HOMEZ: variants seen among roughly 807,000 people sequenced by gnomAD.
The protein encoded by HOMEZ is homeobox and leucine zipper encoding, also known as homeobox and leucine zipper protein Homez.
Under a neutral mutation model 50.1 loss-of-function variants are expected in HOMEZ, and 20 were observed. That is an observed-to-expected ratio of 0.40 (90% CI 0.28 to 0.58). HOMEZ has a LOEUF of 0.58. Among genes scored for constraint, HOMEZ ranks in the 20% least tolerant of loss-of-function variants. The probability of loss-of-function intolerance (pLI) is 0.46; values close to 1 mark genes in which losing one functional copy is unlikely to be tolerated. For synonymous variants in HOMEZ, 239 were observed against 254.7 expected (o/e 0.94, Z 0.59); for missense variants, 579 against 680.5 (o/e 0.85, Z 1.66).
rs17128343 is a variant in HOMEZ at position 23,275,343 on chromosome 14, C to G, written c.*232G>C. 1.8e-6 allele frequency: 1 copy of G among 555,712 alleles called. No individual in the cohort carries two copies. Among genetic ancestry groups the G allele is most frequent in the South Asian group, 2.6e-5 (1 of 38,526 alleles). 34.4% of individuals were successfully genotyped at this position (555,712 alleles called of 1,614,324 possible). A position where few individuals can be genotyped will look rare whatever the true frequency, so the allele number is the denominator to read the frequency against. ...TCCCCAGATCCTTAGCACTCCCTAC[C>G]CTAAGGTTAGAGGGTTGGATTTCTG... On this transcript the variant is annotated 3_prime_UTR_variant, in exon 2 of 2. Coordinates refer to ENST00000357460, the MANE Select transcript of HOMEZ (RefSeq NM_020834.3).
rs953880848 is a variant in HOMEZ at position 23,286,066 on chromosome 14, C to G, written c.-114G>C. On this transcript the variant is annotated 5_prime_UTR_variant, in exon 1 of 2. Coordinates refer to ENST00000357460, the MANE Select transcript of HOMEZ (RefSeq NM_020834.3). ...CGATGGCCGAAACCGGGACTGCCCC[C>G]CCCACCGTCCCCGGGAGCGCGCCGG... is the stretch of plus-strand genomic sequence containing the variant. 42 of 1,230,918 alleles carry G rather than the reference C, an allele frequency of 3.4e-5. No individual in the cohort carries two copies. The highest frequency in any genetic ancestry group is 3.4e-5 in the Non-Finnish European group (34 of 987,358). The allele number at this position is 1,230,918 out of a possible 1,614,324, so 76.2% of individuals were successfully genotyped here.
chr14:23,276,714 G>C lies in HOMEZ; in HGVS notation c.514C>G (p.Leu172Val), dbSNP rs1056074764. The part of the protein sequence containing the change: ...QVGIGIGPPT[L>V]SKPTQTKGLK... ...CCTTTCGTCTGGGTAGGCTTGCTAA[G>C]AGTTGGAGGACCTATTCCAATACCA... The change falls in exon 2 of 2, where the codon CTT (leucine) becomes GTT (valine). Residue 172 changes from leucine to valine, a missense_variant. Transcript: ENST00000357460. The surrounding 1 kb of genome is among the most constrained non-coding windows in gnomAD (Gnocchi z 4.1). 1 of 1,614,048 alleles carries C rather than the reference G, an allele frequency of 6.2e-7. No individual in the cohort carries two copies. Among genetic ancestry groups the C allele is most frequent in the African/African-American group, 1.3e-5 (1 of 75,056 alleles).
rs35341745 is a variant in HOMEZ at position 23,280,740 on chromosome 14, A to ATTTTATTTTATTATTTTATTTTATT, written c.41-3554_41-3553insAATAAAATAAAATAATAAAATAAAA. On this transcript the variant is annotated intron_variant, in intron 1 of 1. Coordinates refer to ENST00000357460, the MANE Select transcript of HOMEZ (RefSeq NM_020834.3). Reference sequence around the variant, plus strand: ...ATTTTATTTTATTTTATTTTATTTTATTATTTTATTTTATTTTATTTTATT... The same window carrying ATTTTATTTTATTATTTTATTTTATT: ...ATTTTATTTTATTTTATTTTATTTTATTTTATTTTATTATTTTATTTTATTTTATTTTATTTTATTTTATTTTATT... Among the ~76,000 whole-genome samples, 12 of 41,260 alleles carry ATTTTATTTTATTATTTTATTTTATT rather than the reference A, an allele frequency of 2.9e-4. 1 individual carries two copies. The highest frequency in any genetic ancestry group is 1.3e-3 in the South Asian group (2 of 1,540). The allele number at this position is 41,260 out of a possible 152,430, so 27.1% of individuals were successfully genotyped here. A position where few individuals can be genotyped will look rare whatever the true frequency, so the allele number is the denominator to read the frequency against.
chr14:23,276,412 A>G lies in HOMEZ; in HGVS notation c.816T>C (p.Ser272=). ...KPPPIALIAS[S]CKEESASSVT... is the part of the protein sequence containing the mutation. ...CACTAGATGCTGACTCCTCCTTACA[A>G]CTACTGGCAATTAATGCAATTGGTG... Residue 272 remains serine, a synonymous_variant, in exon 2 of 2, where the codon AGT becomes AGC. Coordinates refer to ENST00000357460, the MANE Select transcript of HOMEZ (RefSeq NM_020834.3). This position sits in a 1 kb window ranked among gnomAD's most constrained non-coding sequence, Gnocchi z 4.1. The G allele has an allele frequency of 6.2e-7, 1 of 1,614,024 alleles. No homozygotes were observed. Among genetic ancestry groups the G allele is most frequent in the South Asian group, 1.1e-5 (1 of 91,078 alleles).
At position 23,276,306 on chromosome 14, in the gene HOMEZ, G is replaced by A. The variant is rs888877186; in HGVS notation, c.922C>T (p.Pro308Ser). 3.1e-6 allele frequency: 5 copies of A among 1,613,844 alleles called. No individual in the cohort carries two copies. The highest frequency in any genetic ancestry group is 4.2e-6 in the Non-Finnish European group (5 of 1,179,872). ...GATAASKPLQ[P>S]LGCVPQSVSP... is the part of the protein sequence containing the mutation. ...ACTGACTGTGGGACACAGCCTAGTG[G>A]CTGGAGGGGTTTAGAGGCGGCAGTA... The change falls in exon 2 of 2, where the codon CCA becomes TCA. Residue 308 changes from proline to serine, a missense_variant. By Grantham distance (74) the Pro-to-Ser change is moderately conservative. Coordinates refer to ENST00000357460, the MANE Select transcript of HOMEZ (RefSeq NM_020834.3). This position sits in a 1 kb window ranked among gnomAD's most constrained non-coding sequence, Gnocchi z 4.1.
rs754275626 is a variant in HOMEZ at position 23,276,639 on chromosome 14, T to C, written c.589A>G (p.Ser197Gly). The C allele has an allele frequency of 6.2e-7, 1 of 1,614,030 alleles. No homozygotes were observed. Among genetic ancestry groups the C allele is most frequent in the Non-Finnish European group, 8.5e-7 (1 of 1,179,890 alleles). The change falls in exon 2 of 2, where the codon AGT becomes GGT. Residue 197 changes from serine to glycine, a missense_variant. Ser to Gly is a moderately conservative substitution (Grantham distance 56). Coordinates refer to ENST00000357460, the MANE Select transcript of HOMEZ (RefSeq NM_020834.3). This position sits in a 1 kb window ranked among gnomAD's most constrained non-coding sequence, Gnocchi z 4.1. ...AGGGACTCCTTTAATTTCTGGTGAC[T>C]CTGTGGCAGTGGTGGCATCTGAGAG... ...EPSQMPPLPQ[S>G]HQKLKESLMT...
At position 23,277,111 on chromosome 14, in the gene HOMEZ, C is replaced by A; in HGVS notation, c.117G>T (p.Ala39=). The part of the protein sequence containing the change: ...KEASGLSSSP[A]GLICLPPISE... ...AGATTGGAGGGAGGCAGATGAGCCC[C>A]GCTGGTGAACTACTGAGACCGCTGG... The change falls in exon 2 of 2, where the codon GCG becomes GCT. Residue 39 remains alanine (A), a synonymous_variant. Transcript: ENST00000357460. The A allele has an allele frequency of 2.5e-6, 4 of 1,613,898 alleles. No homozygotes were observed. Among genetic ancestry groups the A allele is most frequent in the Non-Finnish European group, 3.4e-6 (4 of 1,179,826 alleles).
chr14:23,283,251 A>G (rs983214324), intron 1 of HOMEZ, among the ~76,000 whole-genome samples: 2 of 152,164 alleles, frequency 1.3e-5, no homozygotes, highest in Non-Finnish European at 2.9e-5. Flanking sequence ...ATAAAAATAT[A>G]TGGAGTCATG....
In HOMEZ at chr14:23,275,649, C is replaced by A. The variant is rs527371455; in HGVS notation, c.1579G>T (p.Asp527Tyr). The change falls in exon 2 of 2, where the codon GAT becomes TAT. Residue 527 changes from aspartate to tyrosine, a missense_variant. Physicochemically the swap from Asp to Tyr is radical, Grantham distance 160. Coordinates refer to ENST00000357460, the MANE Select transcript of HOMEZ (RefSeq NM_020834.3). ...TCCTCCTCCTCCTCTTCCTCATCATCTTCTGGCAGTTCTTCCTCCTCCTCT... is the reference window on the plus strand; with the variant it reads ...TCCTCCTCCTCCTCTTCCTCATCATATTCTGGCAGTTCTTCCTCCTCCTCT... ...EEEEEEELPEDDEEEEEEEEE... is the reference protein window; with the variant it reads ...EEEEEEELPEYDEEEEEEEEE... The A allele has an allele frequency of 1.3e-6, 2 of 1,564,698 alleles. No homozygotes were observed. The highest frequency in any genetic ancestry group is 1.7e-6 in the Non-Finnish European group (2 of 1,153,474).
Position 23,276,695 on chromosome 14 carries a change from G to A in HOMEZ, c.533C>T (p.Thr178Met), listed in dbSNP as rs548943423. 95 of 1,614,016 alleles carry A rather than the reference G, an allele frequency of 5.9e-5. No individual in the cohort carries two copies. In the Middle Eastern group the frequency reaches 6.6e-4, roughly 11 times the overall value. Residue 178 changes from threonine (T) to methionine (M), a missense_variant, in exon 2 of 2, where the codon ACG (threonine) becomes ATG (methionine). Thr to Met is a moderately conservative substitution (Grantham distance 81). Coordinates refer to ENST00000357460, the MANE Select transcript of HOMEZ (RefSeq NM_020834.3). The surrounding 1 kb of genome is among the most constrained non-coding windows in gnomAD (Gnocchi z 4.1). ...GPPTLSKPTQ[T>M]KGLKVEPEEP... Reference sequence around the variant, plus strand: ...CTCAGGCTCTACCTTCAATCCTTTCGTCTGGGTAGGCTTGCTAAGAGTTGG... The same window carrying A: ...CTCAGGCTCTACCTTCAATCCTTTCATCTGGGTAGGCTTGCTAAGAGTTGG...
chr14:23,281,061 G>A (rs1420517365), intron 1 of HOMEZ, among the ~76,000 whole-genome samples: 2 of 151,914 alleles, frequency 1.3e-5, no homozygotes, highest in African/African-American at 4.8e-5. Context: ...GAAACACCGG[G>A]CCCAGCCTTC....
chr14:23,272,697 A>G lies in HOMEZ; in HGVS notation c.*2878T>C. 1 of 692,076 alleles carries G rather than the reference A, an allele frequency of 1.4e-6. No homozygotes were observed. Among genetic ancestry groups the G allele is most frequent in the Middle Eastern group, 3.7e-4 (1 of 2,670 alleles). 42.9% of individuals were successfully genotyped at this position (692,076 alleles called of 1,614,324 possible). On this transcript the variant is annotated 3_prime_UTR_variant, in exon 2 of 2. Transcript: ENST00000357460. ...AAAAGTTAGTTATCATGCAATGAAG[A>G]AAACTATGGGGAAGCAAAAGCAGTG...
Position 23,275,392 on chromosome 14 carries a change from A to AG in HOMEZ, c.*182dup. On this transcript the variant is annotated 3_prime_UTR_variant, in exon 2 of 2. Coordinates refer to ENST00000357460, the MANE Select transcript of HOMEZ (RefSeq NM_020834.3). ...TGCTGATCCAATCCCAGCCTTACTT[A>AG]GTGCCCTATGGTCATTCTCCCTGGT... 1 of 676,032 alleles carries AG rather than the reference A, an allele frequency of 1.5e-6. No homozygotes were observed. Among genetic ancestry groups the AG allele is most frequent in the South Asian group, 2.1e-5 (1 of 47,620 alleles). The allele number at this position is 676,032 out of a possible 1,614,324, so 41.9% of individuals were successfully genotyped here. A position where few individuals can be genotyped will look rare whatever the true frequency, so the allele number is the denominator to read the frequency against.
rs1886321634 is a variant in HOMEZ at position 23,275,459 on chromosome 14, C to T, written c.*116G>A. 1 of 1,377,550 alleles carries T rather than the reference C, an allele frequency of 7.3e-7. No individual in the cohort carries two copies. Among genetic ancestry groups the T allele is most frequent in the Non-Finnish European group, 9.7e-7 (1 of 1,031,852 alleles). 85.3% of individuals were successfully genotyped at this position (1,377,550 alleles called of 1,614,324 possible). ...CCCCTGCCACCCACCCTGAAGAACA[C>T]AAAGCTTTTTAGTTCTCTGCCACAA... On this transcript the variant is annotated 3_prime_UTR_variant, in exon 2 of 2. Coordinates refer to ENST00000357460, the MANE Select transcript of HOMEZ (RefSeq NM_020834.3).
rs1189532081 is a variant in HOMEZ at position 23,282,386 on chromosome 14, G to A, written c.40+3527C>T. Among the ~76,000 whole-genome samples, 7 of 151,930 alleles carry A rather than the reference G, an allele frequency of 4.6e-5. No individual in the cohort carries two copies. In the South Asian group the frequency reaches 1.2e-3, roughly 27 times the overall value. On this transcript the variant is annotated intron_variant, in intron 1 of 1. Coordinates refer to ENST00000357460, the MANE Select transcript of HOMEZ (RefSeq NM_020834.3). ...TCCATAATTTGGATCCTTTGTGATCGGTGTGTCAGTTGCCTATGTGATAGT... is the reference window on the plus strand; with the variant it reads ...TCCATAATTTGGATCCTTTGTGATCAGTGTGTCAGTTGCCTATGTGATAGT...
chr14:23,275,392 A>G lies in HOMEZ; in HGVS notation c.*183T>C, dbSNP rs1886318701. Reference sequence around the variant, plus strand: ...TGCTGATCCAATCCCAGCCTTACTTAGTGCCCTATGGTCATTCTCCCTGGT... The same window carrying G: ...TGCTGATCCAATCCCAGCCTTACTTGGTGCCCTATGGTCATTCTCCCTGGT... On this transcript the variant is annotated 3_prime_UTR_variant, in exon 2 of 2. Transcript: ENST00000357460. 5.9e-6 allele frequency: 4 copies of G among 675,914 alleles called. No homozygotes were observed. In the South Asian group the frequency reaches 8.4e-5, roughly 14 times the overall value. The allele number at this position is 675,914 out of a possible 1,614,324, so 41.9% of individuals were successfully genotyped here. A position where few individuals can be genotyped will look rare whatever the true frequency, so the allele number is the denominator to read the frequency against.
rs761413908 is a variant in HOMEZ at position 23,275,915 on chromosome 14, G to T, written c.1313C>A (p.Pro438Gln). 6.2e-7 allele frequency: 1 copy of T among 1,606,396 alleles called. No homozygotes were observed. The highest frequency in any genetic ancestry group is 1.1e-5 in the South Asian group (1 of 89,716). ...PSFQDPAIPT[P>Q]PPSTRSLNER... ...GTTCAAGGAGCGGGTTGATGGTGGT[G>T]GTGTAGGAATTGCTGGGTCTTGGAA... is the stretch of plus-strand genomic sequence containing the variant. The change falls in exon 2 of 2, where the codon CCA becomes CAA. Residue 438 changes from proline (P) to glutamine (Q), a missense_variant. Pro to Gln is a moderately conservative substitution (Grantham distance 76). Coordinates refer to ENST00000357460, the MANE Select transcript of HOMEZ (RefSeq NM_020834.3).
Position 23,285,897 on chromosome 14 carries a change from G to T in HOMEZ, c.40+16C>A. ...CGAGCTGGGAGGGGAAGTCCAAGGGGCTGGGGATCACTCACCGCAGTCCAG... is the reference window on the plus strand; with the variant it reads ...CGAGCTGGGAGGGGAAGTCCAAGGGTCTGGGGATCACTCACCGCAGTCCAG... On this transcript the variant is annotated intron_variant, in intron 1 of 1. Coordinates refer to ENST00000357460, the MANE Select transcript of HOMEZ (RefSeq NM_020834.3). 3 of 1,242,688 alleles carry T rather than the reference G, an allele frequency of 2.4e-6. No homozygotes were observed. The highest frequency in any genetic ancestry group is 1.0e-6 in the Non-Finnish European group (1 of 982,640). 77.0% of individuals were successfully genotyped at this position (1,242,688 alleles called of 1,614,324 possible). A position where few individuals can be genotyped will look rare whatever the true frequency, so the allele number is the denominator to read the frequency against.
intron 1 of HOMEZ, among the ~76,000 whole-genome samples, chr14:23,280,729 T>TTG (rs1886510522): frequency 1.5e-5 from 1 of 68,086 alleles, no homozygotes; most frequent in Non-Finnish European, 2.9e-5. Context: ...TATTTTATTT[T>TTG]ATTTTATTTT....
Sources: allele counts gnomAD v4.1 joint callset (sites outside exome capture counted in the v4.1 genomes callset), GRCh38; gene constraint gnomAD v4.1.1; non-coding constraint Gnocchi (gnomAD v3.1); transcripts MANE v1.5; gene names NCBI Gene and HGNC (gene_info 2026-07-23, HGNC 2026-07-21).